Variants in FAM91A1 observed in about 807,000 individuals in gnomAD.
FAM91A1 encodes family with sequence similarity 91 member A1.
FAM91A1 carries 41 observed loss-of-function variants against 113.5 expected under a neutral mutation model. That is an observed-to-expected ratio of 0.36 (90% CI 0.28 to 0.47). The LOEUF (loss-of-function observed/expected upper bound fraction) is 0.47. Among genes scored for constraint, FAM91A1 ranks in the 20% least tolerant of loss-of-function variants. FAM91A1 has a pLI of 1.00. For missense variants in FAM91A1, 696 were observed against 1,001.2 expected (o/e 0.70, Z 4.11); for synonymous variants, 307 against 347.9 (o/e 0.88, Z 1.31).
intron 13 of FAM91A1, 66 bp from the exon 14 acceptor site, chr8:123,787,598 A>AT (rs35008309): frequency 8.6e-6 from 11 of 1,284,176 alleles, no homozygotes; most frequent in Non-Finnish European, 1.2e-5. Context: ...TAATATAAAT[A>AT]TTTGATAGTA....
chr8:123,809,144 A>G (rs1394597137), intron 22 of FAM91A1, 128 bp downstream of exon 22: 2 of 1,295,886 alleles, frequency 1.5e-6, no homozygotes, highest in African/African-American at 1.5e-5. Context: ...TTGATTGAAT[A>G]GAGATCGCTA....
chr8:123,809,879 G>A (rs1815908949), intron 22 of FAM91A1, among the ~76,000 whole-genome samples: 2 of 152,134 alleles, frequency 1.3e-5, no homozygotes, highest in South Asian at 4.1e-4. Context: ...AGGTAGGTTG[G>A]TGTGTGTTTA....
intron 19 of FAM91A1, among the ~76,000 whole-genome samples, chr8:123,805,569 T>G (rs1258012952): frequency 6.6e-6 from 1 of 152,220 alleles, no homozygotes; most frequent in Non-Finnish European, 1.5e-5. Context: ...CTAGTCTGTC[T>G]TGGAATAAAG....
chr8:123,773,459 A>G (rs1225233009), intron 1 of FAM91A1, among the ~76,000 whole-genome samples: 2 of 152,240 alleles, frequency 1.3e-5, no homozygotes, highest in Admixed American at 6.5e-5. Flanking sequence ...TTTCAGGAAC[A>G]CTGCAACAAA....
chr8:123,769,121 T>C (rs7836620), intron 1 of FAM91A1, among the ~76,000 whole-genome samples: 143,431 of 152,278 alleles, frequency 0.94, 67,588 homozygotes, highest in East Asian at 1. Context: ...GGGAAACAAA[T>C]GAATACGATA....
chr8:123,773,499 CT>C (rs1814907671), intron 1 of FAM91A1, among the ~76,000 whole-genome samples: 1 of 152,202 alleles, frequency 6.6e-6, no homozygotes, highest in Admixed American at 6.5e-5. Flanking sequence ...AAGACTTTAG[CT>C]TATTAAAAAT....
intron 8 of FAM91A1, among the ~76,000 whole-genome samples, chr8:123,781,130 CT>C (rs547301785): frequency 1.6e-4 from 24 of 151,952 alleles, no homozygotes; most frequent in Admixed American, 1.6e-3. Context: ...CAGAGTGATG[CT>C]TTTTTTTCTA....
At chr8:123,783,766 C>T (rs1438094210) in intron 8 of FAM91A1, among the ~76,000 whole-genome samples, 1 of 152,140 alleles carries the variant, frequency 6.6e-6, no homozygotes, top group Non-Finnish European at 1.5e-5. Flanking sequence ...TTTGGTAAAT[C>T]AGATTAGAAC....
In FAM91A1 at chr8:123,814,883, T is replaced by G. The variant is rs991223485; in HGVS notation, c.*2179T>G. 6 of 152,650 alleles carry G rather than the reference T, an allele frequency of 3.9e-5. No individual in the cohort carries two copies. Among genetic ancestry groups the G allele is most frequent in the Non-Finnish European group, 8.8e-5 (6 of 68,038 alleles). The allele number at this position is 152,650 out of a possible 1,614,324, so 9.5% of individuals were successfully genotyped here. ...AATTTAAAATGCAGACTTTGTTATT[T>G]GCCAAAGAAGATTCATGAAAAATTT... On this transcript the variant is annotated 3_prime_UTR_variant, in exon 24 of 24. Transcript: ENST00000334705.
intron 6 of FAM91A1, among the ~76,000 whole-genome samples, chr8:123,779,427 G>C (rs577734538): frequency 6.6e-6 from 1 of 152,274 alleles, no homozygotes; most frequent in East Asian, 1.9e-4. Context: ...GAAAGGGGTG[G>C]AGTAATGAGG....
chr8:123,805,144 A>T, intron 18 of FAM91A1, 123 bp from the exon 19 acceptor site: 2 of 702,038 alleles, frequency 2.8e-6, no homozygotes, highest in African/African-American at 3.6e-5. Flanking sequence ...AATTGTTGAA[A>T]GAATTTTGAT....
At chr8:123,790,649 CA>C (rs1044329715) in intron 15 of FAM91A1, among the ~76,000 whole-genome samples, 1 of 152,162 alleles carries the variant, frequency 6.6e-6, no homozygotes, top group Non-Finnish European at 1.5e-5. Context: ...GCTTTCTTTT[CA>C]GCTCAATTTT....
intron 20 of FAM91A1, among the ~76,000 whole-genome samples, chr8:123,807,456 C>T (rs79215945): frequency 0.012 from 1,064 of 91,314 alleles, 16 homozygotes; most frequent in African/African-American, 0.044. Context: ...CCAGTCCGGG[C>T]AATAGAGCAA....
At chr8:123,787,188 A>G in intron 12 of FAM91A1, 73 bp from the exon 13 acceptor site, 3 of 1,150,098 alleles carry the variant, frequency 2.6e-6, no homozygotes, top group Non-Finnish European at 3.8e-6. Context: ...AGCTGAAATG[A>G]AATACTTTCA....
chr8:123,797,396 AC>A (rs1237465646), intron 15 of FAM91A1, among the ~76,000 whole-genome samples: 2 of 152,254 alleles, frequency 1.3e-5, no homozygotes, highest in African/African-American at 2.4e-5. Context: ...GTGTAAAGTT[AC>A]ACCCATCATG....
chr8:123,777,317 C>G lies in FAM91A1; in HGVS notation c.362C>G (p.Ala121Gly). The change falls in exon 4 of 24, where the codon GCT becomes GGT. Residue 121 changes from alanine (A) to glycine (G), a missense_variant. Ala to Gly is a moderately conservative substitution (Grantham distance 60). Coordinates refer to ENST00000334705, the MANE Select transcript of FAM91A1 (RefSeq NM_144963.4). The part of the protein sequence containing the change: ...SYDSLPNFTA[A>G]DCLRLLGIGR... ...GATTCATTGCCCAATTTTACTGCTG[C>G]TGACTGTAAGTATTTAATTGTGCTG... 1 of 1,611,642 alleles carries G rather than the reference C, an allele frequency of 6.2e-7. No homozygotes were observed. The highest frequency in any genetic ancestry group is 2.2e-5 in the East Asian group (1 of 44,686).
rs770138743 is a variant in FAM91A1 at position 123,778,103 on chromosome 8, A to T, written c.435+11A>T. Reference sequence around the variant, plus strand: ...TGTAGATCATCAAAAGTAAGTTAGTACTTTCTTTTTCATTGTTTTGGCCTC... The same window carrying T: ...TGTAGATCATCAAAAGTAAGTTAGTTCTTTCTTTTTCATTGTTTTGGCCTC... On this transcript the variant is annotated intron_variant, in intron 5 of 23. Transcript: ENST00000334705. The T allele has an allele frequency of 7.5e-6, 12 of 1,599,476 alleles. No homozygotes were observed. Among genetic ancestry groups the T allele is most frequent in the Non-Finnish European group, 1.0e-5 (12 of 1,171,026 alleles).
chr8:123,778,921 CTAGAA>C (rs1167366066), intron 6 of FAM91A1, 149 bp downstream of exon 6: 2 of 548,758 alleles, frequency 3.6e-6, no homozygotes, highest in Non-Finnish European at 6.0e-6. Flanking sequence ...TCTTAGTAGA[CTAGAA>C]TATTGGTGAG....
At chr8:123,797,897 G>T (rs1377462488) in intron 15 of FAM91A1, among the ~76,000 whole-genome samples, 193 bp from the exon 16 acceptor site, 2 of 151,978 alleles carry the variant, frequency 1.3e-5, no homozygotes, top group African/African-American at 4.8e-5. Flanking sequence ...CTAGACCAGA[G>T]AATAAAACAT....
Sources: allele counts gnomAD v4.1 joint callset (sites outside exome capture counted in the v4.1 genomes callset), GRCh38; gene constraint gnomAD v4.1.1; transcripts MANE v1.5; gene names NCBI Gene and HGNC (gene_info 2026-07-23, HGNC 2026-07-21).